The following SIK2 variants were observed in gnomAD, a reference collection of about 807,000 sequenced individuals.
SIK2 encodes serine/threonine-protein kinase SIK2.
A neutral mutation model predicts 103.2 loss-of-function variants in SIK2; 29 were observed. The ratio of observed to expected loss-of-function variants is 0.28; its 90% CI spans 0.21 to 0.38. The LOEUF is 0.38. Ranked by LOEUF, SIK2 falls within the 10% of genes least tolerant of loss-of-function variation. SIK2 has a pLI of 1.00. For synonymous variants in SIK2, 412 were observed against 446.1 expected (o/e 0.92, Z 0.96); for missense variants, 879 against 1,171.0 (o/e 0.75, Z 3.64).
At chr11:111,661,435 G>C (rs2135871650) in intron 3 of SIK2, among the ~76,000 whole-genome samples, 1 of 152,292 alleles carries the variant, frequency 6.6e-6, no homozygotes, top group South Asian at 2.1e-4. Flanking sequence ...TTTTGAAAAT[G>C]GTTTTAGATA....
chr11:111,656,594 G>A (rs547561462), intron 3 of SIK2, among the ~76,000 whole-genome samples: 3 of 152,238 alleles, frequency 2.0e-5, no homozygotes, highest in African/African-American at 7.2e-5. Context: ...AAGAAACAGG[G>A]ACAAGTCATT....
At chr11:111,627,388 T>C (rs1591593242) in intron 3 of SIK2, among the ~76,000 whole-genome samples, 3 of 152,298 alleles carry the variant, frequency 2.0e-5, no homozygotes, top group East Asian at 3.9e-4. Flanking sequence ...TACAGTATAT[T>C]GTTATAATTG....
At chr11:111,613,641 A>G (rs1248290934) in intron 1 of SIK2, among the ~76,000 whole-genome samples, 1 of 152,172 alleles carries the variant, frequency 6.6e-6, no homozygotes, top group Non-Finnish European at 1.5e-5. Flanking sequence ...TAGCGAGTAT[A>G]TAATATTAAT....
chr11:111,645,157 TA>T (rs1275704296), intron 3 of SIK2, among the ~76,000 whole-genome samples: 1 of 152,242 alleles, frequency 6.6e-6, no homozygotes, highest in Non-Finnish European at 1.5e-5. Context: ...TACTCTTACA[TA>T]CTACTGGTGA....
chr11:111,665,194 C>T (rs955936360), intron 3 of SIK2, among the ~76,000 whole-genome samples: 7 of 151,580 alleles, frequency 4.6e-5, no homozygotes, highest in African/African-American at 1.5e-4. Context: ...ACAGTAAGGC[C>T]AGAGTGGGTA....
chr11:111,686,514 T>TA (rs1942848747), intron 3 of SIK2, among the ~76,000 whole-genome samples: 2 of 152,180 alleles, frequency 1.3e-5, no homozygotes, highest in African/African-American at 2.4e-5. Context: ...TAAAAACCAG[T>TA]AAGCTAGTAA....
At chr11:111,720,444 C>T (rs574153579) in intron 10 of SIK2, 34 bp from the exon 11 acceptor site, 76 of 1,556,160 alleles carry the variant, frequency 4.9e-5, no homozygotes, top group Admixed American at 1.1e-4. Flanking sequence ...GATGCTATTG[C>T]TGTTGGTTTT....
At chr11:111,698,767 T>C (rs1359388813) in intron 4 of SIK2, among the ~76,000 whole-genome samples, 1 of 152,218 alleles carries the variant, frequency 6.6e-6, no homozygotes, top group Non-Finnish European at 1.5e-5. Flanking sequence ...GAGAGTATCC[T>C]CAATTTACAG....
rs1591608712 is a variant in SIK2 at position 111,669,726 on chromosome 11, C to T, written c.317-18275C>T. On this transcript the variant is annotated intron_variant, in intron 3 of 14. Coordinates refer to ENST00000304987, the MANE Select transcript of SIK2 (RefSeq NM_015191.3). Reference sequence around the variant, plus strand: ...TGTCTTCTGGCTGTGGCAATTTACCCAGTATTTAGACTTTTTGGCCTTTAG... The same window carrying T: ...TGTCTTCTGGCTGTGGCAATTTACCTAGTATTTAGACTTTTTGGCCTTTAG... Among the ~76,000 whole-genome samples the T allele has an allele frequency of 4.6e-5, 7 of 152,252 alleles. No individual in the cohort carries two copies. The East Asian group carries it at 1.2e-3, about 25-fold the overall frequency.
intron 8 of SIK2, among the ~76,000 whole-genome samples, chr11:111,710,419 A>T (rs45524342): frequency 0.029 from 4,406 of 152,318 alleles, 83 homozygotes; most frequent in Non-Finnish European, 0.04. Flanking sequence ...ATAGCCAGTG[A>T]TATTAATATT....
At chr11:111,657,897 G>C (rs1942413570) in intron 3 of SIK2, among the ~76,000 whole-genome samples, 1 of 152,030 alleles carries the variant, frequency 6.6e-6, no homozygotes, top group Non-Finnish European at 1.5e-5. Flanking sequence ...AGAACAGAGA[G>C]TAAGGGAATA....
At position 111,726,999 on chromosome 11, in the gene SIK2, G is replaced by C; in HGVS notation, c.*2870G>C. On this transcript the variant is annotated 3_prime_UTR_variant, in exon 15 of 15. Transcript: ENST00000304987. ...GCTTTGGGAGAAATGCACTAGCTCTGCAATTCCCAGCTGGGCAAGTGTGTC... is the reference window on the plus strand; with the variant it reads ...GCTTTGGGAGAAATGCACTAGCTCTCCAATTCCCAGCTGGGCAAGTGTGTC... 1 of 1,614,092 alleles carries C rather than the reference G, an allele frequency of 6.2e-7. No individual in the cohort carries two copies. The highest frequency in any genetic ancestry group is 8.5e-7 in the Non-Finnish European group (1 of 1,179,976).
intron 3 of SIK2, among the ~76,000 whole-genome samples, chr11:111,644,301 A>AG (rs1344895866): frequency 9.3e-5 from 14 of 150,916 alleles, no homozygotes; most frequent in African/African-American, 2.9e-4. Context: ...AAAAAAAAAA[A>AG]AAAGAAAGAA....
At chr11:111,694,638 G>A (rs1565363209) in intron 4 of SIK2, among the ~76,000 whole-genome samples, 1 of 152,114 alleles carries the variant, frequency 6.6e-6, no homozygotes, top group Non-Finnish European at 1.5e-5. Flanking sequence ...AATATTTATT[G>A]TAAGTCTTCC....
intron 3 of SIK2, among the ~76,000 whole-genome samples, chr11:111,677,974 G>A (rs1158869935): frequency 6.6e-6 from 1 of 152,140 alleles, no homozygotes; most frequent in African/African-American, 2.4e-5. Flanking sequence ...AAGTCCTTAA[G>A]TGGCTATCAA....
At chr11:111,652,643 A>G (rs1304500922) in intron 3 of SIK2, among the ~76,000 whole-genome samples, 1 of 152,234 alleles carries the variant, frequency 6.6e-6, no homozygotes, top group East Asian at 1.9e-4. Flanking sequence ...TTTTGAAACT[A>G]TTGTTAATAA....
chr11:111,703,409 C>G lies in SIK2; in HGVS notation c.934C>G (p.Gln312Glu), dbSNP rs745954279. 6.2e-7 allele frequency: 1 copy of G among 1,613,740 alleles called. No homozygotes were observed. Among genetic ancestry groups the G allele is most frequent in the Non-Finnish European group, 8.5e-7 (1 of 1,179,842 alleles). Residue 312 changes from glutamine to glutamate, a missense_variant, in exon 7 of 15, where the codon CAG becomes GAG. Around this residue, in one of 7 missense-constraint regions of SIK2, gnomAD observed 99 missense variants for 153.9 expected, o/e 0.64. Coordinates refer to ENST00000304987, the MANE Select transcript of SIK2 (RefSeq NM_015191.3). ...GATGCACAGCCTTGGAATAGATCAG[C>G]AGAAAACCATTGAGGTAAAGTGATC... is the stretch of plus-strand genomic sequence containing the variant. The part of the protein sequence containing the change: ...RLMHSLGIDQ[Q>E]KTIESLQNKS...
intron 2 of SIK2, among the ~76,000 whole-genome samples, chr11:111,617,223 A>C (rs1440755930): frequency 1.3e-5 from 2 of 152,190 alleles, no homozygotes; most frequent in African/African-American, 2.4e-5. Context: ...ATAGTGGTGA[A>C]GTCTGGGCTT....
intron 4 of SIK2, among the ~76,000 whole-genome samples, chr11:111,689,676 A>G (rs1266204394): frequency 5.3e-5 from 8 of 152,220 alleles, no homozygotes; most frequent in Admixed American, 5.2e-4. Context: ...CATTGAACTT[A>G]GTAAGTTTAG....
Sources: allele counts gnomAD v4.1 joint callset (sites outside exome capture counted in the v4.1 genomes callset), GRCh38; gene constraint gnomAD v4.1.1; regional missense constraint gnomAD v4.1.1; transcripts MANE v1.5; gene names NCBI Gene and HGNC (gene_info 2026-07-23, HGNC 2026-07-21).